The following MEGF11 variants were observed in gnomAD, a reference collection of about 807,000 sequenced individuals.
The protein encoded by MEGF11 is multiple EGF like domains 11, also known as multiple epidermal growth factor-like domains protein 11.
Under a neutral mutation model 146.6 loss-of-function variants are expected in MEGF11, and 126 were observed. That is an observed-to-expected ratio of 0.86 (90% CI 0.74 to 1.00). The LOEUF (loss-of-function observed/expected upper bound fraction) is 1.00. Ranked by LOEUF, MEGF11 falls within the 50% of genes least tolerant of loss-of-function variation. MEGF11 has a pLI of 0.00. For missense variants in MEGF11, 1,509 were observed against 1,521.2 expected, an observed-to-expected ratio of 0.99 and a Z score of 0.13; for synonymous variants, 532 against 583.4, an observed-to-expected ratio of 0.91 and a Z score of 1.27.
chr15:66,127,481 C>A (rs968972253), intron 2 of MEGF11, among the ~76,000 whole-genome samples: 2 of 152,204 alleles, frequency 1.3e-5, no homozygotes, highest in Admixed American at 6.5e-5. Context: ...GAAGCACGGA[C>A]CCCCGCTCCG....
At chr15:66,249,508 A>C (rs60341771) in intron 1 of MEGF11, among the ~76,000 whole-genome samples, 2,563 of 152,312 alleles carry the variant, frequency 0.017, 77 homozygotes, top group African/African-American at 0.059. Context: ...ATTATATTGC[A>C]ATATATTCTC....
At chr15:66,218,664 TTAAAA>T (rs745714309) in intron 1 of MEGF11, among the ~76,000 whole-genome samples, 1 of 145,990 alleles carries the variant, frequency 6.8e-6, no homozygotes, top group Non-Finnish European at 1.5e-5. Flanking sequence ...TGGGAACTGA[TTAAAA>T]CAAAACAAAA....
chr15:66,037,650 A>G (rs905034559), intron 5 of MEGF11, among the ~76,000 whole-genome samples: 1 of 152,176 alleles, frequency 6.6e-6, no homozygotes, highest in Non-Finnish European at 1.5e-5. Context: ...CTGAAACTCA[A>G]TTGGGGCAGC....
At chr15:66,168,616 T>C (rs1333293042) in intron 1 of MEGF11, among the ~76,000 whole-genome samples, 2 of 152,216 alleles carry the variant, frequency 1.3e-5, no homozygotes, top group East Asian at 3.8e-4. Context: ...TAATTTCATA[T>C]ATAGGCCACA....
intron 1 of MEGF11, among the ~76,000 whole-genome samples, chr15:66,232,013 G>A (rs1436107651): frequency 6.6e-6 from 1 of 152,216 alleles, no homozygotes; most frequent in East Asian, 1.9e-4. Context: ...GTACACAGAA[G>A]CTAAAGGATT....
intron 1 of MEGF11, among the ~76,000 whole-genome samples, chr15:66,145,360 G>A (rs1199505065): frequency 2.0e-5 from 3 of 152,090 alleles, no homozygotes; most frequent in Non-Finnish European, 4.4e-5. Context: ...ATTCAATATT[G>A]GGTTTTGTCT....
chr15:66,110,968 T>G (rs1282685203), intron 4 of MEGF11, among the ~76,000 whole-genome samples: 1 of 152,150 alleles, frequency 6.6e-6, no homozygotes, highest in East Asian at 1.9e-4. Context: ...CCTGCCCTCT[T>G]GACTGACCCC....
chr15:66,088,594 G>A (rs773260648), intron 5 of MEGF11, among the ~76,000 whole-genome samples: 21 of 152,050 alleles, frequency 1.4e-4, no homozygotes, highest in African/African-American at 4.8e-5. Context: ...GGCGGAGGGT[G>A]CAGTGAACCG....
At chr15:66,096,794 A>G (rs1046690124) in intron 4 of MEGF11, among the ~76,000 whole-genome samples, 8 of 152,162 alleles carry the variant, frequency 5.3e-5, no homozygotes, top group Non-Finnish European at 8.8e-5. Context: ...CCATCTGCCT[A>G]CCACCTGTGC....
intron 1 of MEGF11, among the ~76,000 whole-genome samples, chr15:66,163,125 C>T (rs1032293873): frequency 4.6e-5 from 7 of 152,168 alleles, no homozygotes; most frequent in African/African-American, 1.7e-4. Flanking sequence ...CTACGGTTAC[C>T]GCCACACCCA....
chr15:66,080,349 C>A (rs1210771352), intron 5 of MEGF11, among the ~76,000 whole-genome samples: 1 of 151,634 alleles, frequency 6.6e-6, no homozygotes, highest in Non-Finnish European at 1.5e-5. Context: ...GCCTCAGATT[C>A]TCTTTCTAAA....
intron 5 of MEGF11, among the ~76,000 whole-genome samples, chr15:66,078,065 A>C (rs1439981562): frequency 6.6e-6 from 1 of 152,162 alleles, no homozygotes; most frequent in Non-Finnish European, 1.5e-5. Flanking sequence ...GGCAGAGGGC[A>C]TCAACCAGAG....
At chr15:66,245,528 A>G (rs544694124) in intron 1 of MEGF11, among the ~76,000 whole-genome samples, 1 of 152,040 alleles carries the variant, frequency 6.6e-6, no homozygotes, top group Admixed American at 6.5e-5. Context: ...GCTACCCTGG[A>G]GGCTGAGGCG....
intron 4 of MEGF11, among the ~76,000 whole-genome samples, chr15:66,105,941 CCT>C (rs2087052716): frequency 1.3e-5 from 2 of 152,168 alleles, no homozygotes; most frequent in Admixed American, 6.5e-5. Context: ...TGGGAGTTTT[CCT>C]CTCTTTCCAG....
chr15:66,108,259 A>G (rs1321132198), intron 4 of MEGF11, among the ~76,000 whole-genome samples: 3 of 152,196 alleles, frequency 2.0e-5, no homozygotes, highest in Non-Finnish European at 4.4e-5. Context: ...GGAGAGGAAG[A>G]AAATGCCAGA....
At position 65,956,675 on chromosome 15, in the gene MEGF11, A is replaced by G. The variant is rs528762395; in HGVS notation, c.1287+872T>C. 9.2e-5 allele frequency among the ~76,000 whole-genome samples: 14 copies of G among 152,372 alleles called. No homozygotes were observed. In the South Asian group the frequency reaches 2.9e-3, roughly 32 times the overall value. On this transcript the variant is annotated intron_variant, in intron 10 of 25. Coordinates refer to ENST00000395614, the MANE Select transcript of MEGF11 (RefSeq NM_001385028.1). ...TGCTGGGCATGCCCTGCCTTTGAAC[A>G]GGATTCCACTTCCAATGTCAAGTTC...
intron 5 of MEGF11, among the ~76,000 whole-genome samples, chr15:66,059,627 A>G (rs6494545): frequency 0.95 from 144,233 of 151,068 alleles, 69,211 homozygotes; most frequent in East Asian, 1. Context: ...CAGTTGCCCC[A>G]GGTTCTTAAA....
intron 5 of MEGF11, among the ~76,000 whole-genome samples, chr15:66,093,098 G>C (rs1008235369): frequency 6.6e-6 from 1 of 152,182 alleles, no homozygotes; most frequent in Non-Finnish European, 1.5e-5. Context: ...CAAAGCAGTA[G>C]GACAAGTGGA....
chr15:66,014,126 C>A (rs2082802931), intron 5 of MEGF11, among the ~76,000 whole-genome samples: 1 of 152,180 alleles, frequency 6.6e-6, no homozygotes, highest in African/African-American at 2.4e-5. Flanking sequence ...AGACCTGGAA[C>A]AAAGGCAGTA....
Sources: gnomAD v4.1 joint callset for allele counts (sites outside exome capture counted in the v4.1 genomes callset) on GRCh38, gnomAD v4.1.1 for gene constraint, MANE v1.5 for transcripts, NCBI Gene and HGNC (gene_info 2026-07-23, HGNC 2026-07-21) for gene names.